The following PARG variants were observed in gnomAD, a reference collection of about 807,000 sequenced individuals.
PARG encodes mitochondrial poly(ADP-ribose) glycohydrolase.
A neutral mutation model predicts 113.0 loss-of-function variants in PARG; 35 were observed. The observed-to-expected ratio is 0.31, with a 90% confidence interval of 0.24 to 0.41. PARG has a LOEUF of 0.41. Ranked by LOEUF, PARG falls within the 10% of genes least tolerant of loss-of-function variation. The pLI is 1.00. For missense variants in PARG, 797 were observed against 1,169.4 expected (o/e 0.68, Z 4.64); for synonymous variants, 330 against 409.9 (o/e 0.81, Z 2.36).
At chr10:49,887,030 T>C (rs1847526543) in intron 7 of PARG, among the ~76,000 whole-genome samples, 2 of 151,964 alleles carry the variant, frequency 1.3e-5, no homozygotes, top group African/African-American at 4.8e-5. Flanking sequence ...ATTCAAACTC[T>C]TCCTGTTTAT....
chr10:49,865,951 G>A (rs1846493465), intron 10 of PARG, among the ~76,000 whole-genome samples: 1 of 149,358 alleles, frequency 6.7e-6, no homozygotes. Context: ...CTTAAATAGT[G>A]GGCAATCACT....
At chr10:49,837,339 G>A (rs1470338974) in intron 15 of PARG, among the ~76,000 whole-genome samples, 2 of 151,172 alleles carry the variant, frequency 1.3e-5, no homozygotes, top group African/African-American at 2.4e-5. Flanking sequence ...ACTTTTTCGC[G>A]TAGAAAAATG....
At chr10:49,937,052 G>T (rs1461606791) in intron 1 of PARG, among the ~76,000 whole-genome samples, 16 of 152,210 alleles carry the variant, frequency 1.1e-4, no homozygotes, top group Admixed American at 8.5e-4. Flanking sequence ...AGCAGATCAG[G>T]CTTCAGAGAA....
chr10:49,932,053 T>C, intron 4 of PARG, 47 bp downstream of exon 4: 2 of 1,062,482 alleles, frequency 1.9e-6, no homozygotes, highest in Non-Finnish European at 1.4e-6. Context: ...TCACAATAAA[T>C]AAGGACTTCC....
intron 16 of PARG, among the ~76,000 whole-genome samples, chr10:49,828,272 T>C (rs1844474103): frequency 6.6e-6 from 1 of 152,072 alleles, no homozygotes. Context: ...CTGTTTTATG[T>C]TTGAAAGTAA....
intron 7 of PARG, among the ~76,000 whole-genome samples, chr10:49,905,594 T>C (rs1434492217): frequency 6.6e-6 from 1 of 152,234 alleles, no homozygotes; most frequent in East Asian, 1.9e-4. Context: ...CATGTTTCTT[T>C]ACTGTAAGAC....
chr10:49,908,850 G>A (rs1306256602), intron 7 of PARG, among the ~76,000 whole-genome samples: 3 of 152,106 alleles, frequency 2.0e-5, no homozygotes, highest in Admixed American at 6.6e-5. Flanking sequence ...ACTGAATAAC[G>A]AAATCTGTTG....
At chr10:49,930,186 TTTGA>T (rs1838416201) in intron 4 of PARG, among the ~76,000 whole-genome samples, 2 of 151,958 alleles carry the variant, frequency 1.3e-5, no homozygotes, top group South Asian at 2.1e-4. Context: ...CATCTTCAAA[TTTGA>T]TTGTGCAGTT....
At chr10:49,828,593 G>T (rs1844490877) in intron 16 of PARG, among the ~76,000 whole-genome samples, 1 of 152,126 alleles carries the variant, frequency 6.6e-6, no homozygotes. Context: ...CTAGCCTGTG[G>T]CTCTTAGGGC....
chr10:49,889,298 G>C (rs1554841033), intron 7 of PARG, among the ~76,000 whole-genome samples: 1 of 152,096 alleles, frequency 6.6e-6, no homozygotes, highest in Non-Finnish European at 1.5e-5. Flanking sequence ...TAAATCTTTA[G>C]ATCTTATTTA....
At chr10:49,910,242 C>A (rs1184774133) in intron 7 of PARG, among the ~76,000 whole-genome samples, 1 of 151,948 alleles carries the variant, frequency 6.6e-6, no homozygotes, top group African/African-American at 2.4e-5. Flanking sequence ...TAGGAGAATG[C>A]GTAGTCGATA....
chr10:49,931,526 C>T (rs1180802839), intron 4 of PARG, among the ~76,000 whole-genome samples: 2 of 151,960 alleles, frequency 1.3e-5, no homozygotes, highest in Middle Eastern at 3.2e-3. Context: ...GGAACTGACT[C>T]AGCACAAGAG....
At position 49,896,797 on chromosome 10, in the gene PARG, G is replaced by GTA. The variant is rs575791591; in HGVS notation, c.1738-11504_1738-11503dup. Among the ~76,000 whole-genome samples the GTA allele has an allele frequency of 3.3e-4, 50 of 152,078 alleles. 1 individual carries two copies. The East Asian group carries it at 5.0e-3, about 15-fold the overall frequency. On this transcript the variant is annotated intron_variant, in intron 7 of 17. Transcript: ENST00000616448. ...TCTTTGTCACATACTAGTATCGGAGGTATATATATATGGCTTTATAAATGA... is the reference window on the plus strand; with the variant it reads ...TCTTTGTCACATACTAGTATCGGAGGTATATATATATATGGCTTTATAAATGA...
Position 49,922,516 on chromosome 10 carries a change from G to C in PARG, c.1578+31C>G, listed in dbSNP as rs188838544. ...CAAGCAAGTACCAAACCATTTTTCA[G>C]AGACTAAAAGAATCTCGGTTTTGTT... On this transcript the variant is annotated intron_variant, in intron 5 of 17. Coordinates refer to ENST00000616448, the MANE Select transcript of PARG (RefSeq NM_003631.5). 6.5e-3 allele frequency: 10,515 copies of C among 1,609,918 alleles called. 54 individuals are homozygous for C. Among genetic ancestry groups the C allele is most frequent in the Middle Eastern group, 0.012 (52 of 4,426 alleles).
At chr10:49,909,141 T>C (rs1402392960) in intron 7 of PARG, among the ~76,000 whole-genome samples, 6 of 152,212 alleles carry the variant, frequency 3.9e-5, no homozygotes, top group Non-Finnish European at 7.3e-5. Context: ...ATGTCCACAG[T>C]ATACCACATA....
chr10:49,935,276 T>C, intron 1 of PARG, 134 bp from the exon 2 acceptor site: 1 of 581,610 alleles, frequency 1.7e-6, no homozygotes, highest in Non-Finnish European at 3.1e-6. Flanking sequence ...CCCTCAAGTA[T>C]ATGGGTAAGA....
chr10:49,832,556 A>G lies in PARG; in HGVS notation c.2647+247T>C, dbSNP rs191837863. Among the ~76,000 whole-genome samples the G allele has an allele frequency of 1.0e-3, 158 of 152,236 alleles. 3 individuals carry two copies. Among genetic ancestry groups the G allele is most frequent in the Non-Finnish European group, 1.2e-3 (82 of 68,016 alleles). On this transcript the variant is annotated intron_variant, in intron 16 of 17. Transcript: ENST00000616448. ...ATTATATGCTCTTCTCCTCCTGCCA[A>G]TCTTTCAATACTCAACAAAATACTG...
chr10:49,936,288 C>G (rs1838732659), intron 1 of PARG, among the ~76,000 whole-genome samples: 1 of 152,050 alleles, frequency 6.6e-6, no homozygotes. Context: ...AAGCTTTGAG[C>G]TTGAGAGACT....
chr10:49,919,252 A>G (rs1257888669), intron 6 of PARG, among the ~76,000 whole-genome samples: 1 of 152,184 alleles, frequency 6.6e-6, no homozygotes, highest in African/African-American at 2.4e-5. Flanking sequence ...CACTATAATT[A>G]TTCTATTTGC....
Sources: allele counts gnomAD v4.1 joint callset (sites outside exome capture counted in the v4.1 genomes callset), GRCh38; gene constraint gnomAD v4.1.1; transcripts MANE v1.5; gene names NCBI Gene and HGNC (gene_info 2026-07-23, HGNC 2026-07-21).